Variants in MORC1 observed in about 807,000 individuals in gnomAD.
MORC1 encodes the protein MORC family CW-type zinc finger 1.
MORC1 carries 59 observed loss-of-function variants against 134.9 expected under a neutral mutation model. The observed-to-expected ratio is 0.44, with a 90% confidence interval of 0.35 to 0.54. The LOEUF (loss-of-function observed/expected upper bound fraction) is 0.54, where lower values mean the gene tolerates loss of function less well. Ranked by LOEUF, MORC1 falls within the 20% of genes least tolerant of loss-of-function variation. MORC1 has a pLI of 0.00. For synonymous variants in MORC1, 395 were observed against 391.7 expected, an observed-to-expected ratio of 1.01 and a Z score of -0.10; for missense variants, 947 against 1,134.5, an observed-to-expected ratio of 0.83 and a Z score of 2.37.
intron 3 of MORC1, among the ~76,000 whole-genome samples, chr3:109,108,600 AAAAAG>A (rs1951088504): frequency 6.6e-6 from 1 of 152,078 alleles, no homozygotes; most frequent in Non-Finnish European, 1.5e-5. Flanking sequence ...TCTTTCTTTA[AAAAAG>A]AAAAGAGCTC....
chr3:108,969,782 G>A lies in MORC1; in HGVS notation c.2551-60C>T, dbSNP rs909049167. 1.0e-4 allele frequency: 153 copies of A among 1,500,650 alleles called. 1 individual carries two copies. Among genetic ancestry groups the A allele is most frequent in the Middle Eastern group, 1.7e-4 (1 of 5,884 alleles). The allele number at this position is 1,500,650 out of a possible 1,614,324, so 93.0% of individuals were successfully genotyped here. ...GCTTTTAGAGAATGTGCTGTCTACA[G>A]CAGAGTTATATCACACAAGCATTGA... On this transcript the variant is annotated intron_variant, in intron 25 of 27. Coordinates refer to ENST00000232603, the MANE Select transcript of MORC1 (RefSeq NM_014429.4).
At chr3:109,031,786 G>A (rs1016423631) in intron 16 of MORC1, among the ~76,000 whole-genome samples, 1 of 152,076 alleles carries the variant, frequency 6.6e-6, no homozygotes, top group African/African-American at 2.4e-5. Context: ...AATTCAATCA[G>A]GACAGTTTTG....
At chr3:109,028,190 C>T (rs1949134230) in intron 16 of MORC1, among the ~76,000 whole-genome samples, 1 of 152,004 alleles carries the variant, frequency 6.6e-6, no homozygotes, top group Admixed American at 6.6e-5. Context: ...AGGCCTTTTG[C>T]AAAAATTATT....
chr3:108,963,056 T>C (rs1186891292), intron 27 of MORC1, among the ~76,000 whole-genome samples: 1 of 151,982 alleles, frequency 6.6e-6, no homozygotes, highest in Non-Finnish European at 1.5e-5. Context: ...TACAAAAGAA[T>C]GTGTGCCTGT....
intron 21 of MORC1, among the ~76,000 whole-genome samples, chr3:108,992,790 C>G (rs1313091289): frequency 2.6e-5 from 4 of 152,146 alleles, no homozygotes; most frequent in African/African-American, 9.7e-5. Context: ...GGCAGTGCCC[C>G]TCTCCTCTTC....
At chr3:109,100,242 C>T (rs75347730) in intron 5 of MORC1, among the ~76,000 whole-genome samples, 175 bp downstream of exon 5, 2 of 141,460 alleles carry the variant, frequency 1.4e-5, no homozygotes, top group Non-Finnish European at 3.1e-5. Flanking sequence ...GAATCTGTCT[C>T]AAAAAAAAAA....
intron 21 of MORC1, among the ~76,000 whole-genome samples, chr3:108,987,215 C>A (rs1189555970): frequency 2.0e-5 from 3 of 152,080 alleles, no homozygotes; most frequent in African/African-American, 7.2e-5. Flanking sequence ...AATATTTGTG[C>A]AGATATTTTA....
At chr3:109,024,580 C>T (rs1002585525) in intron 17 of MORC1, among the ~76,000 whole-genome samples, 1 of 152,122 alleles carries the variant, frequency 6.6e-6, no homozygotes, top group Non-Finnish European at 1.5e-5. Flanking sequence ...AGCTGAAATG[C>T]AAGAGAGTTA....
intron 6 of MORC1, among the ~76,000 whole-genome samples, chr3:109,098,622 A>C (rs1263339592): frequency 6.6e-6 from 1 of 152,160 alleles, no homozygotes; most frequent in African/African-American, 2.4e-5. Context: ...GAGGCCCTCT[A>C]TCTCTCCATC....
At chr3:109,051,756 T>C (rs140704003) in intron 14 of MORC1, among the ~76,000 whole-genome samples, 2,887 of 152,210 alleles carry the variant, frequency 0.019, 48 homozygotes, top group Non-Finnish European at 0.03. Context: ...AACAGGTAGA[T>C]AGAAACAATT....
chr3:109,098,823 G>GTA (rs1350984793), intron 6 of MORC1, among the ~76,000 whole-genome samples: 1 of 152,096 alleles, frequency 6.6e-6, no homozygotes, highest in Non-Finnish European at 1.5e-5. Context: ...TCCAGTACTA[G>GTA]GCAGAGAGTA....
chr3:109,081,947 T>G (rs13086114), intron 8 of MORC1, among the ~76,000 whole-genome samples: 3,469 of 152,074 alleles, frequency 0.023, 63 homozygotes, highest in Middle Eastern at 0.11. Flanking sequence ...GCCTCACAAG[T>G]GTCTGGAGGG....
intron 20 of MORC1, among the ~76,000 whole-genome samples, chr3:109,004,363 G>T (rs1948487178): frequency 6.6e-6 from 1 of 152,184 alleles, no homozygotes; most frequent in Non-Finnish European, 1.5e-5. Flanking sequence ...AGATAAACTA[G>T]GCAGTAAATT....
chr3:109,057,693 G>C (rs34353294), intron 12 of MORC1, among the ~76,000 whole-genome samples: 33,218 of 151,904 alleles, frequency 0.22, 4,619 homozygotes, highest in African/African-American at 0.39. Flanking sequence ...TCAAACAAAG[G>C]ATTTACTGAT....
In MORC1 at chr3:108,958,857, T is replaced by G. The variant is rs541120499; in HGVS notation, c.*108A>C. ...AAAAAAATTATTTCTTATTTCTTAT[T>G]GTTAAACAGAATAGACTTTACAGTA... is the stretch of plus-strand genomic sequence containing the variant. On this transcript the variant is annotated 3_prime_UTR_variant, in exon 28 of 28. Coordinates refer to ENST00000232603, the MANE Select transcript of MORC1 (RefSeq NM_014429.4). The G allele has an allele frequency of 1.2e-5, 8 of 680,756 alleles. No individual in the cohort carries two copies. The highest frequency in any genetic ancestry group is 4.5e-4 in the Middle Eastern group (1 of 2,198). 42.2% of individuals were successfully genotyped at this position (680,756 alleles called of 1,614,324 possible).
intron 18 of MORC1, 59 bp from the exon 19 acceptor site, chr3:109,005,374 A>T (rs1208240677): frequency 6.9e-7 from 1 of 1,444,612 alleles, no homozygotes; most frequent in Non-Finnish European, 9.3e-7. Context: ...ATAATTAATC[A>T]CCACTTCTCT....
chr3:109,079,336 C>A (rs1950483773), intron 8 of MORC1, among the ~76,000 whole-genome samples: 1 of 151,998 alleles, frequency 6.6e-6, no homozygotes, highest in Non-Finnish European at 1.5e-5. Context: ...CATAATAAAA[C>A]ACTACTTTAA....
At chr3:108,997,509 A>C (rs935326229) in intron 21 of MORC1, among the ~76,000 whole-genome samples, 8 of 152,204 alleles carry the variant, frequency 5.3e-5, no homozygotes, top group Non-Finnish European at 1.0e-4. Context: ...CTCTGTCTCA[A>C]AAAAATTTAA....
At chr3:109,066,995 C>T (rs1421536127) in intron 9 of MORC1, among the ~76,000 whole-genome samples, 1 of 152,096 alleles carries the variant, frequency 6.6e-6, no homozygotes, top group Non-Finnish European at 1.5e-5. Context: ...AATCACTGTT[C>T]AAAAATTACT....
Sources: gnomAD v4.1 joint callset for allele counts (sites outside exome capture counted in the v4.1 genomes callset) on GRCh38, gnomAD v4.1.1 for gene constraint, MANE v1.5 for transcripts, NCBI Gene and HGNC (gene_info 2026-07-23, HGNC 2026-07-21) for gene names.